The following CDC42BPA variants were observed in gnomAD, a reference collection of about 807,000 sequenced individuals.
CDC42BPA encodes the protein serine/threonine-protein kinase MRCK alpha.
In CDC42BPA, 80 loss-of-function variants were observed where a neutral mutation model predicts 223.5. That is an observed-to-expected ratio of 0.36 (90% CI 0.30 to 0.43). CDC42BPA has a LOEUF of 0.43. Among genes scored for constraint, CDC42BPA ranks in the 20% least tolerant of loss-of-function variants. The pLI is 1.00. For synonymous variants in CDC42BPA, 694 were observed against 718.6 expected (o/e 0.97, Z 0.55); for missense variants, 1,743 against 2,099.9 (o/e 0.83, Z 3.32).
intron 14 of CDC42BPA, among the ~76,000 whole-genome samples, chr1:227,108,872 A>G (rs1002473928): frequency 6.6e-6 from 1 of 152,158 alleles, no homozygotes; most frequent in Admixed American, 6.5e-5. Context: ...AGCCTACTAC[A>G]CACCTAGGCT....
intron 1 of CDC42BPA, among the ~76,000 whole-genome samples, chr1:227,291,157 A>C (rs1245856957): frequency 2.0e-5 from 3 of 152,164 alleles, no homozygotes; most frequent in Admixed American, 6.5e-5. Flanking sequence ...TCCATGAAAT[A>C]AGAGGGCTAC....
chr1:227,254,294 T>A (rs188240255), intron 1 of CDC42BPA, 139 bp from the exon 2 acceptor site: 2 of 540,242 alleles, frequency 3.7e-6, no homozygotes, highest in Admixed American at 7.8e-5. Context: ...TCCCAAACTA[T>A]ATGAGAATAA....
At chr1:227,206,541 A>T (rs1672761012) in intron 3 of CDC42BPA, among the ~76,000 whole-genome samples, 2 of 152,196 alleles carry the variant, frequency 1.3e-5, no homozygotes, top group African/African-American at 4.8e-5. Flanking sequence ...ATAAAAAATA[A>T]GGAATTTTGC....
At chr1:227,236,950 T>C (rs1679150181) in intron 2 of CDC42BPA, among the ~76,000 whole-genome samples, 2 of 146,034 alleles carry the variant, frequency 1.4e-5, no homozygotes, top group African/African-American at 5.1e-5. Flanking sequence ...AGCTGAGGTA[T>C]GAGGATCAAC....
At chr1:227,033,172 A>C (rs1669620869) in intron 27 of CDC42BPA, among the ~76,000 whole-genome samples, 162 bp downstream of exon 27, 1 of 152,214 alleles carries the variant, frequency 6.6e-6, no homozygotes, top group Non-Finnish European at 1.5e-5. Context: ...TTAAATACTT[A>C]GCACCAATTT....
At chr1:227,145,866 G>C in intron 7 of CDC42BPA, 129 bp from the exon 8 acceptor site, 1 of 661,296 alleles carries the variant, frequency 1.5e-6, no homozygotes, top group South Asian at 2.5e-5. Flanking sequence ...TTGGTGCAAA[G>C]TACTAATACT....
At position 227,147,396 on chromosome 1, in the gene CDC42BPA, G is replaced by A. The variant is rs755712882; in HGVS notation, c.857C>T (p.Ser286Leu). The change falls in exon 7 of 37, where the codon TCG (serine) becomes TTG (leucine). Residue 286 changes from serine to leucine, a missense_variant. This residue lies in a region of CDC42BPA where 321 missense variants were observed against 488.7 expected (regional missense o/e 0.66). Coordinates refer to ENST00000366766, the MANE Select transcript of CDC42BPA (RefSeq NM_001394014.1). ...LYGETPFYAE[S>L]LVETYGKIMN... ...GATTTTTCCGTATGTCTCCACCAGC[G>A]ATTCTGCATAAAATGGTGTTTCTCC... The A allele has an allele frequency of 5.0e-6, 8 of 1,611,822 alleles. No individual in the cohort carries two copies. The highest frequency in any genetic ancestry group is 5.1e-6 in the Non-Finnish European group (6 of 1,179,098).
intron 2 of CDC42BPA, among the ~76,000 whole-genome samples, chr1:227,241,601 T>C (rs780268546): frequency 3.9e-5 from 6 of 152,174 alleles, no homozygotes; most frequent in African/African-American, 1.4e-4. Flanking sequence ...ATTCCATTTA[T>C]ATGAAATTTT....
At chr1:227,027,821 A>G (rs1196007785) in intron 30 of CDC42BPA, among the ~76,000 whole-genome samples, 1 of 152,220 alleles carries the variant, frequency 6.6e-6, no homozygotes, top group African/African-American at 2.4e-5. Flanking sequence ...TCTATAATTA[A>G]AAGTATTCAA....
chr1:227,022,427 C>T (rs1667550247), intron 32 of CDC42BPA, among the ~76,000 whole-genome samples: 2 of 55,210 alleles, frequency 3.6e-5, no homozygotes, highest in African/African-American at 6.2e-5. Flanking sequence ...AGTGAGACTC[C>T]CGTCTCAAAA....
intron 21 of CDC42BPA, among the ~76,000 whole-genome samples, chr1:227,060,793 C>G (rs2148954892): frequency 7.1e-6 from 1 of 141,796 alleles, no homozygotes; most frequent in Non-Finnish European, 1.5e-5. Context: ...GCGATCTCGG[C>G]TCACTGCAAC....
intron 21 of CDC42BPA, among the ~76,000 whole-genome samples, chr1:227,064,966 G>A (rs940640583): frequency 2.0e-5 from 3 of 151,962 alleles, no homozygotes; most frequent in African/African-American, 7.3e-5. Context: ...GCGTGGTGGT[G>A]GGCACCTGTG....
chr1:227,143,150 G>A (rs1395594137), intron 8 of CDC42BPA, 126 bp from the exon 9 acceptor site: 1 of 475,686 alleles, frequency 2.1e-6, no homozygotes, highest in South Asian at 4.0e-5. Context: ...TTAAAACACT[G>A]GTAAGTTTGG....
intron 1 of CDC42BPA, among the ~76,000 whole-genome samples, chr1:227,303,921 C>T (rs1692107613): frequency 6.6e-6 from 1 of 152,184 alleles, no homozygotes; most frequent in South Asian, 2.1e-4. Flanking sequence ...TTATGATGGA[C>T]ATTGTGCAAA....
chr1:227,122,380 C>A (rs1396872670), intron 11 of CDC42BPA, among the ~76,000 whole-genome samples: 1 of 152,046 alleles, frequency 6.6e-6, no homozygotes, highest in Admixed American at 6.5e-5. Context: ...CTCTGAGAAA[C>A]AAAAAATTCA....
At chr1:227,268,585 T>C in intron 1 of CDC42BPA, among the ~76,000 whole-genome samples, 1 of 145,390 alleles carries the variant, frequency 6.9e-6, no homozygotes, top group East Asian at 2.2e-4. Flanking sequence ...TGTATATATA[T>C]ATGTGTATAT....
chr1:227,018,798 CTGT>C (rs1189902992), intron 32 of CDC42BPA, among the ~76,000 whole-genome samples: 1 of 152,206 alleles, frequency 6.6e-6, no homozygotes, highest in Non-Finnish European at 1.5e-5. Context: ...ATACTGTAGT[CTGT>C]TAAGTGTGCA....
At chr1:227,069,109 C>A (rs1258812826) in intron 21 of CDC42BPA, 1 of 153,188 alleles carries the variant, frequency 6.5e-6, no homozygotes, top group African/African-American at 2.4e-5. Context: ...TTGGTCACTA[C>A]TATATCTCCA....
chr1:227,040,207 A>G lies in CDC42BPA; in HGVS notation c.3123T>C (p.Ser1041=). Residue 1041 remains serine, a synonymous_variant, in exon 24 of 37, where the codon TCT becomes TCC. Transcript: ENST00000366766. ...KRKTHQFFVK[S]FTTPTKCHQC... ...GATGACACTTGGTAGGAGTAGTAAA[A>G]GATTTTACAAAAAACTGGTGAGTCT... The G allele has an allele frequency of 6.2e-7, 1 of 1,612,954 alleles. No individual in the cohort carries two copies. Among genetic ancestry groups the G allele is most frequent in the Non-Finnish European group, 8.5e-7 (1 of 1,179,076 alleles).
Sources: gnomAD v4.1 joint callset for allele counts (sites outside exome capture counted in the v4.1 genomes callset) on GRCh38, gnomAD v4.1.1 for gene constraint, gnomAD v4.1.1 regional missense constraint, MANE v1.5 for transcripts, NCBI Gene and HGNC (gene_info 2026-07-23, HGNC 2026-07-21) for gene names.